Variants in F7 observed in about 807,000 individuals in gnomAD.
F7 encodes FVII coagulation protein.
In F7, 38 loss-of-function variants were observed where a neutral mutation model predicts 47.5. The ratio of observed to expected loss-of-function variants is 0.80; its 90% CI spans 0.62 to 1.05. The LOEUF is 1.05. F7 is among the 50% of genes least tolerant of loss of function. The pLI is 0.00. For missense variants in F7, 575 were observed against 605.4 expected (o/e 0.95, Z 0.53); for synonymous variants, 244 against 258.5 (o/e 0.94, Z 0.54).
At chr13:113,117,909 G>A (rs1260448011) in intron 7 of F7, among the ~76,000 whole-genome samples, 2 of 152,248 alleles carry the variant, frequency 1.3e-5, no homozygotes, top group Admixed American at 6.5e-5. Flanking sequence ...TGCTGGGCAC[G>A]ACTGCTGTGG....
intron 2 of F7, 76 bp downstream of exon 2, chr13:113,110,926 C>T (rs1368616701): frequency 1.3e-6 from 2 of 1,497,474 alleles, no homozygotes; most frequent in Non-Finnish European, 9.0e-7. Flanking sequence ...GGGCCGCCTG[C>T]GTCTCTTTGG....
chr13:113,111,130 C>G (rs1398986551), intron 2 of F7, among the ~76,000 whole-genome samples: 1 of 152,220 alleles, frequency 6.6e-6, no homozygotes, highest in African/African-American at 2.4e-5. Flanking sequence ...CTTAGGGTGT[C>G]CCCCTTAACT....
chr13:113,118,319 T>G, intron 7 of F7, 94 bp from the exon 8 acceptor site: 1 of 1,383,334 alleles, frequency 7.2e-7, no homozygotes, highest in South Asian at 1.3e-5. Flanking sequence ...CTGCAGCCCC[T>G]GCAGACCTAG....
In F7 at chr13:113,116,846, G is replaced by T; in HGVS notation, c.586G>T (p.Val196Leu). Reference sequence around the variant, plus strand: ...CCAAGGCCGAATTGTGGGGGGCAAGGTGTGCCCCAAAGGGGAGTGTCCATG... The same window carrying T: ...CCAAGGCCGAATTGTGGGGGGCAAGTTGTGCCCCAAAGGGGAGTGTCCATG... ...KPQGRIVGGK[V>L]CPKGECPWQV... The change falls in exon 6 of 8, where the codon GTG (valine) becomes TTG (leucine). Residue 196 changes from valine to leucine, a missense_variant. Val to Leu is a conservative substitution (Grantham distance 32). Coordinates refer to ENST00000346342, the MANE Select transcript of F7 (RefSeq NM_019616.4). 6.2e-7 allele frequency: 1 copy of T among 1,613,740 alleles called. No individual in the cohort carries two copies. Among genetic ancestry groups the T allele is most frequent in the Non-Finnish European group, 8.5e-7 (1 of 1,179,958 alleles).
chr13:113,115,058 A>G (rs1215597055), intron 4 of F7, among the ~76,000 whole-genome samples: 1 of 152,210 alleles, frequency 6.6e-6, no homozygotes, highest in Non-Finnish European at 1.5e-5. Context: ...CCTGGTGCCC[A>G]GCAGCCCTGG....
At chr13:113,110,186 C>T (rs1321918072) in intron 1 of F7, among the ~76,000 whole-genome samples, 1 of 152,128 alleles carries the variant, frequency 6.6e-6, no homozygotes, top group Non-Finnish European at 1.5e-5. Flanking sequence ...TCGGGGGAGC[C>T]GGGCAGGGGC....
At chr13:113,107,288 A>G (rs2515646) in intron 1 of F7, among the ~76,000 whole-genome samples, 33,320 of 54,156 alleles carry the variant, frequency 0.62, 12,361 homozygotes, top group East Asian at 0.7. Context: ...TGGGTGTCCC[A>G]GGAGTGTGGG....
chr13:113,106,935 T>C (rs1482191905), intron 1 of F7: 18 of 1,588,362 alleles, frequency 1.1e-5, no homozygotes, highest in Non-Finnish European at 1.5e-5. Context: ...CCACTGGTTT[T>C]GTCCTGGGGC....
chr13:113,107,888 C>T (rs1374433492), intron 1 of F7, among the ~76,000 whole-genome samples: 5 of 73,310 alleles, frequency 6.8e-5, no homozygotes, highest in African/African-American at 2.0e-4. Flanking sequence ...GTTCCGGAGG[C>T]GAGGGTATCC....
chr13:113,118,115 C>T (rs539457915), intron 7 of F7, among the ~76,000 whole-genome samples: 19 of 152,304 alleles, frequency 1.2e-4, no homozygotes, highest in African/African-American at 4.1e-4. Flanking sequence ...GCCACTGGGC[C>T]GGGAAGAACT....
rs866740689 is a variant in F7 at position 113,107,271 on chromosome 13, G to T, written c.64+1366G>T. Among the ~76,000 whole-genome samples the T allele has an allele frequency of 4.3e-3, 275 of 64,272 alleles. 5 individuals carry two copies. Among genetic ancestry groups the T allele is most frequent in the Middle Eastern group, 9.4e-3 (1 of 106 alleles). 42.2% of individuals were successfully genotyped at this position (64,272 alleles called of 152,430 possible). On this transcript the variant is annotated intron_variant, in intron 1 of 7. Transcript: ENST00000346342. ...GGTGTCCCGGGAGTGTGGGTGTCCC[G>T]GGGGCGTGGGTGTCCCAGGAGTGTG...
In F7 at chr13:113,110,779, G is replaced by C. The variant is rs1394170868; in HGVS notation, c.154G>C (p.Glu52Gln). 1.3e-6 allele frequency: 2 copies of C among 1,551,502 alleles called. No individual in the cohort carries two copies. The highest frequency in any genetic ancestry group is 1.7e-6 in the Non-Finnish European group (2 of 1,148,038). Residue 52 changes from glutamate to glutamine, a missense_variant, in exon 2 of 8, where the codon GAG (glutamate) becomes CAG (glutamine). Glu to Gln is a conservative substitution (Grantham distance 29, BLOSUM62 2). Coordinates refer to ENST00000346342, the MANE Select transcript of F7 (RefSeq NM_019616.4). ...FLEELRPGSL[E>Q]RECKEEQCSF... Reference sequence around the variant, plus strand: ...GGAGGAGCTGCGGCCGGGCTCCCTGGAGAGGGAGTGCAAGGAGGAGCAGTG... The same window carrying C: ...GGAGGAGCTGCGGCCGGGCTCCCTGCAGAGGGAGTGCAAGGAGGAGCAGTG...
At chr13:113,116,484 G>A (rs2036194074) in intron 5 of F7, among the ~76,000 whole-genome samples, 2 of 152,224 alleles carry the variant, frequency 1.3e-5, no homozygotes, top group South Asian at 2.1e-4. Context: ...AGCAGAGGGC[G>A]GTTTTAAGAC....
rs757493564 is a variant in F7, at chr13:113,119,066, C to T, written c.*58C>T. The T allele has an allele frequency of 2.5e-5, 31 of 1,247,524 alleles. No individual in the cohort carries two copies. The highest frequency in any genetic ancestry group is 8.9e-5 in the East Asian group (2 of 22,486). The allele number at this position is 1,247,524 out of a possible 1,614,324, so 77.3% of individuals were successfully genotyped here. A position where few individuals can be genotyped will look rare whatever the true frequency, so the allele number is the denominator to read the frequency against. On this transcript the variant is annotated 3_prime_UTR_variant, in exon 8 of 8. Transcript: ENST00000346342. ...AGGCTGCGTCGAACTGTCCTGGCAC[C>T]AAATCCCATATATTCTTCTGCAGTT...
chr13:113,113,208 A>G lies in F7; in HGVS notation c.226-544A>G, dbSNP rs1350255271. Among the ~76,000 whole-genome samples the G allele has an allele frequency of 6.6e-6, 1 of 152,212 alleles. No individual in the cohort carries two copies. Among genetic ancestry groups the G allele is most frequent in the Non-Finnish European group, 1.5e-5 (1 of 68,038 alleles). ...CCAGCTGTCTGAGGCAAAGGCTAAC[A>G]TGACCCTTTCCAGACAAATTGAGGA... On this transcript the variant is annotated intron_variant, in intron 2 of 7. Transcript: ENST00000346342. This position sits in a 1 kb window ranked among gnomAD's most constrained non-coding sequence, Gnocchi z 4.1.
At position 113,117,476 on chromosome 13, in the gene F7, CTGT is replaced by C. The variant is rs767092036; in HGVS notation, c.625_627del (p.Leu209del). The C allele has an allele frequency of 3.9e-5, 63 of 1,614,128 alleles. No homozygotes were observed. The African/African-American group carries it at 7.7e-4, about 20-fold the overall frequency. On this transcript the variant is annotated inframe_deletion, in exon 7 of 8. Coordinates refer to ENST00000346342, the MANE Select transcript of F7 (RefSeq NM_019616.4). ...CACCTCCTGTCCCCCCGCCCAGGTC[CTGT>C]TGTTGGTGAATGGAGCTCAGTTGTG...
chr13:113,107,795 T>C (rs1360189953), intron 1 of F7, among the ~76,000 whole-genome samples: 5 of 3,516 alleles, frequency 1.4e-3, no homozygotes, highest in Non-Finnish European at 1.1e-3. Context: ...GTGTGGGTGT[T>C]CCGGAGGCGA....
At chr13:113,118,389 C>T (rs1490421789) in intron 7 of F7, 24 bp from the exon 8 acceptor site, 2 of 1,576,714 alleles carry the variant, frequency 1.3e-6, no homozygotes, top group South Asian at 2.3e-5. Context: ...TGGAAAGGGC[C>T]TGAGGGGGGC....
chr13:113,119,118 G>A lies in F7; in HGVS notation c.*110G>A, dbSNP rs1431767821. On this transcript the variant is annotated 3_prime_UTR_variant, in exon 8 of 8. Coordinates refer to ENST00000346342, the MANE Select transcript of F7 (RefSeq NM_019616.4). ...ATGGGGTAGAGGAGGGCATGGGAGGGAGGGAGAGGTGGGGAGGGAGACAGA... is the reference window on the plus strand; with the variant it reads ...ATGGGGTAGAGGAGGGCATGGGAGGAAGGGAGAGGTGGGGAGGGAGACAGA... The A allele has an allele frequency of 1.6e-6, 1 of 625,782 alleles. No homozygotes were observed. The highest frequency in any genetic ancestry group is 2.3e-5 in the Admixed American group (1 of 44,430). 38.8% of individuals were successfully genotyped at this position (625,782 alleles called of 1,614,324 possible). A position where few individuals can be genotyped will look rare whatever the true frequency, so the allele number is the denominator to read the frequency against.
Sources: allele counts gnomAD v4.1 joint callset (sites outside exome capture counted in the v4.1 genomes callset), GRCh38; gene constraint gnomAD v4.1.1; non-coding constraint Gnocchi (gnomAD v3.1); transcripts MANE v1.5; gene names NCBI Gene and HGNC (gene_info 2026-07-23, HGNC 2026-07-21).